The following STXBP6 variants were observed in gnomAD, a reference collection of about 807,000 sequenced individuals.
The protein encoded by STXBP6 is syntaxin binding protein 6.
STXBP6 carries 21 observed loss-of-function variants against 26.9 expected under a neutral mutation model. The ratio of observed to expected loss-of-function variants is 0.78; its 90% CI spans 0.55 to 1.12. The LOEUF is 1.12. Among genes scored for constraint, STXBP6 ranks in the 50% most tolerant of loss-of-function variants. STXBP6 has a pLI of 0.00. For synonymous variants in STXBP6, 97 were observed against 92.6 expected, an observed-to-expected ratio of 1.05 and a Z score of -0.27; for missense variants, 232 against 257.9, an observed-to-expected ratio of 0.90 and a Z score of 0.69.
At chr14:25,040,286 G>A (rs1045004585) in intron 1 of STXBP6, among the ~76,000 whole-genome samples, 1 of 152,240 alleles carries the variant, frequency 6.6e-6, no homozygotes, top group Non-Finnish European at 1.5e-5. Context: ...AAAGGAGGCA[G>A]AGGACAAGGG....
chr14:25,037,901 T>G (rs1407437571), intron 1 of STXBP6, among the ~76,000 whole-genome samples: 1 of 152,210 alleles, frequency 6.6e-6, no homozygotes, highest in Non-Finnish European at 1.5e-5. Flanking sequence ...TTCAGCAAGT[T>G]TCCTTGCTAA....
At chr14:24,951,522 T>G (rs2073170144) in intron 2 of STXBP6, among the ~76,000 whole-genome samples, 1 of 152,186 alleles carries the variant, frequency 6.6e-6, no homozygotes, top group South Asian at 2.1e-4. Flanking sequence ...AATGTCTTCT[T>G]TTGAGAAATG....
At chr14:24,847,022 T>C (rs1448380962) in intron 4 of STXBP6, among the ~76,000 whole-genome samples, 1 of 152,184 alleles carries the variant, frequency 6.6e-6, no homozygotes. Flanking sequence ...AATAGGACTA[T>C]AGCCTTCAAC....
intron 2 of STXBP6, among the ~76,000 whole-genome samples, chr14:24,933,811 C>T (rs2072505899): frequency 6.6e-6 from 1 of 151,950 alleles, no homozygotes; most frequent in African/African-American, 2.4e-5. Context: ...ATTGGGCATG[C>T]TTTTTTAACG....
intron 4 of STXBP6, among the ~76,000 whole-genome samples, chr14:24,852,843 T>C (rs923260848): frequency 6.6e-6 from 1 of 152,126 alleles, no homozygotes; most frequent in Non-Finnish European, 1.5e-5. Context: ...GTCAATGGTG[T>C]TTCCTGGAGC....
chr14:24,844,000 C>T (rs1476396009), intron 4 of STXBP6, among the ~76,000 whole-genome samples: 2 of 152,286 alleles, frequency 1.3e-5, no homozygotes, highest in African/African-American at 2.4e-5. Flanking sequence ...TTTTAACTTT[C>T]GGCCCCACCC....
chr14:24,961,753 T>C (rs1280931329), intron 2 of STXBP6, among the ~76,000 whole-genome samples: 4 of 152,176 alleles, frequency 2.6e-5, no homozygotes, highest in African/African-American at 7.2e-5. Flanking sequence ...GTGTGCAATA[T>C]ATCCATGTAA....
intron 1 of STXBP6, among the ~76,000 whole-genome samples, chr14:24,977,088 T>G (rs988307039): frequency 1.3e-5 from 2 of 151,672 alleles, no homozygotes; most frequent in African/African-American, 4.8e-5. Flanking sequence ...GTCTCAAAAC[T>G]CCTGATCTCA....
chr14:24,882,153 G>A (rs1169873970), intron 2 of STXBP6, among the ~76,000 whole-genome samples: 2 of 151,584 alleles, frequency 1.3e-5, no homozygotes, highest in Non-Finnish European at 2.9e-5. Flanking sequence ...GCCGAGGCGG[G>A]CGGATCACGA....
intron 1 of STXBP6, among the ~76,000 whole-genome samples, chr14:25,013,150 A>G (rs1201539231): frequency 6.6e-6 from 1 of 152,218 alleles, no homozygotes; most frequent in East Asian, 1.9e-4. Flanking sequence ...TTTTAAATTA[A>G]TGAATTCTTG....
intron 2 of STXBP6, among the ~76,000 whole-genome samples, chr14:24,874,415 T>C (rs1295012930): frequency 6.6e-6 from 1 of 152,086 alleles, no homozygotes; most frequent in Non-Finnish European, 1.5e-5. Flanking sequence ...CAGAAGAGTG[T>C]GGAAAGCCCC....
Position 24,911,499 on chromosome 14 carries a change from A to G in STXBP6, c.155-54342T>C, listed in dbSNP as rs867630280. ...AAGCAGGAGGATGTCCAAAGAAAGA[A>G]AGAAAGAAAGAAAGAAACCAAGCAG... is the stretch of plus-strand genomic sequence containing the variant. On this transcript the variant is annotated intron_variant, in intron 2 of 5. Transcript: ENST00000323944. Among the ~76,000 whole-genome samples, 44 of 152,066 alleles carry G rather than the reference A, an allele frequency of 2.9e-4. 1 individual carries two copies. The highest frequency in any genetic ancestry group is 1.1e-3 in the African/African-American group (44 of 41,416).
At chr14:24,873,838 C>A (rs182769926) in intron 2 of STXBP6, among the ~76,000 whole-genome samples, 2 of 152,258 alleles carry the variant, frequency 1.3e-5, no homozygotes, top group Non-Finnish European at 2.9e-5. Context: ...GGAACAGTGT[C>A]CAAGCATAAC....
chr14:24,827,808 G>C (rs1430693740), intron 4 of STXBP6, among the ~76,000 whole-genome samples: 1 of 152,064 alleles, frequency 6.6e-6, no homozygotes, highest in Non-Finnish European at 1.5e-5. Flanking sequence ...TCTTAATCTA[G>C]TTCCAGGCTA....
At chr14:24,901,583 T>C (rs1261342466) in intron 2 of STXBP6, among the ~76,000 whole-genome samples, 2 of 152,112 alleles carry the variant, frequency 1.3e-5, no homozygotes, top group Non-Finnish European at 2.9e-5. Flanking sequence ...CAAAACAACT[T>C]TATTCATAAT....
At chr14:24,965,849 T>C (rs1286761888) in intron 2 of STXBP6, among the ~76,000 whole-genome samples, 1 of 152,144 alleles carries the variant, frequency 6.6e-6, no homozygotes, top group Admixed American at 6.6e-5. Context: ...GGTGCACTAA[T>C]TTCTCAAAGT....
At chr14:24,992,677 G>A (rs141625953) in intron 1 of STXBP6, among the ~76,000 whole-genome samples, 1 of 152,286 alleles carries the variant, frequency 6.6e-6, no homozygotes, top group Non-Finnish European at 1.5e-5. Flanking sequence ...GGAGTTTGCT[G>A]ACCCCTGGAT....
intron 1 of STXBP6, among the ~76,000 whole-genome samples, chr14:24,976,601 C>T (rs1181639469): frequency 4.6e-5 from 7 of 152,138 alleles, no homozygotes; most frequent in Non-Finnish European, 1.0e-4. Flanking sequence ...GTATGATTTC[C>T]TACAAGTTGG....
intron 2 of STXBP6, among the ~76,000 whole-genome samples, chr14:24,909,167 C>T (rs905117677): frequency 2.6e-5 from 4 of 152,216 alleles, no homozygotes; most frequent in African/African-American, 9.7e-5. Flanking sequence ...AGAATATGAA[C>T]ATCTATAGAA....
Sources: gnomAD v4.1 joint callset for allele counts (sites outside exome capture counted in the v4.1 genomes callset) on GRCh38, gnomAD v4.1.1 for gene constraint, MANE v1.5 for transcripts, NCBI Gene and HGNC (gene_info 2026-07-23, HGNC 2026-07-21) for gene names.